The following SGCD variants were observed in gnomAD, a reference collection of about 807,000 sequenced individuals.
SGCD encodes the protein delta-sarcoglycan.
In SGCD, 18 loss-of-function variants were observed where a neutral mutation model predicts 36.6. The observed-to-expected ratio is 0.49, with a 90% CI of 0.34 to 0.73. SGCD has a LOEUF of 0.73. Ranked by LOEUF, SGCD falls within the 30% of genes least tolerant of loss-of-function variation. The pLI, the probability that SGCD is intolerant of heterozygous loss-of-function variation, is 0.01. For synonymous variants in SGCD, 133 were observed against 130.6 expected, an observed-to-expected ratio of 1.02 and a Z score of -0.12; for missense variants, 387 against 346.7, an observed-to-expected ratio of 1.12 and a Z score of -0.92.
chr5:156,543,629 G>T (rs1758442201), intron 4 of SGCD, among the ~76,000 whole-genome samples: 1 of 152,148 alleles, frequency 6.6e-6, no homozygotes, highest in South Asian at 2.1e-4. Flanking sequence ...TTGCTGTGAG[G>T]ATTTCATGGG....
chr5:156,761,706 G>T lies in SGCD; in HGVS notation c.*2316G>T, dbSNP rs886060296. On this transcript the variant is annotated 3_prime_UTR_variant, in exon 9 of 9. Transcript: ENST00000337851. ...ATGACAAAAAAGCAAAAAGTTCCCA[G>T]AACGTTTTTGCTTAGATTTTGTTCT... The T allele has an allele frequency of 6.6e-6, 1 of 152,140 alleles. No individual in the cohort carries two copies. The highest frequency in any genetic ancestry group is 1.9e-4 in the East Asian group (1 of 5,192). The allele number at this position is 152,140 out of a possible 1,614,324, so 9.4% of individuals were successfully genotyped here.
chr5:156,263,900 A>C (rs1022574044), intron 3 of SGCD, among the ~76,000 whole-genome samples: 4 of 151,966 alleles, frequency 2.6e-5, no homozygotes, highest in Admixed American at 2.6e-4. Context: ...TCAGTTGGCT[A>C]TAAGTATTTG....
intron 4 of SGCD, among the ~76,000 whole-genome samples, chr5:156,535,097 C>T (rs1024168535): frequency 2.6e-5 from 4 of 152,178 alleles, no homozygotes; most frequent in African/African-American, 9.7e-5. Context: ...AGCCAAAAGC[C>T]ATTTCCCAAG....
At chr5:156,340,394 T>C (rs1163115699) in intron 2 of SGCD, among the ~76,000 whole-genome samples, 2 of 152,216 alleles carry the variant, frequency 1.3e-5, no homozygotes, top group Admixed American at 6.5e-5. Context: ...CATGTCACCA[T>C]GCTTGGTGAA....
chr5:156,712,755 C>T (rs1461060697), intron 7 of SGCD, among the ~76,000 whole-genome samples: 3 of 152,168 alleles, frequency 2.0e-5, no homozygotes, highest in Non-Finnish European at 4.4e-5. Flanking sequence ...ACTTGTGTGC[C>T]ATTCCACAGG....
chr5:156,617,648 G>A (rs1263158591), intron 6 of SGCD, among the ~76,000 whole-genome samples: 3 of 152,196 alleles, frequency 2.0e-5, no homozygotes, highest in Non-Finnish European at 4.4e-5. Flanking sequence ...AGGGATCAGA[G>A]AGTCTATTCA....
At chr5:156,276,503 C>T (rs1249560820) in intron 3 of SGCD, among the ~76,000 whole-genome samples, 1 of 152,158 alleles carries the variant, frequency 6.6e-6, no homozygotes, top group African/African-American at 2.4e-5. Context: ...AATAAGGAAA[C>T]ATTTAAAAAC....
intron 4 of SGCD, among the ~76,000 whole-genome samples, chr5:156,515,094 G>C (rs1035436203): frequency 6.6e-6 from 1 of 151,918 alleles, no homozygotes; most frequent in Non-Finnish European, 1.5e-5. Context: ...AAGAAAACCC[G>C]TTTTATATTC....
intron 1 of SGCD, among the ~76,000 whole-genome samples, chr5:155,905,998 C>T (rs1580983135): frequency 1.3e-5 from 2 of 152,106 alleles, no homozygotes; most frequent in East Asian, 3.9e-4. Context: ...AGCTTTTCAG[C>T]AACCTTGCAT....
the SGCD span, among the ~76,000 whole-genome samples, chr5:155,776,645 C>T: frequency 4.0e-5 from 6 of 151,040 alleles, no homozygotes; most frequent in Non-Finnish European, 8.9e-5. Flanking sequence ...CCCCCACCCC[C>T]GCCCCACCTC....
chr5:156,201,227 T>A (rs1764142409), intron 3 of SGCD, among the ~76,000 whole-genome samples: 1 of 152,194 alleles, frequency 6.6e-6, no homozygotes, highest in Non-Finnish European at 1.5e-5. Context: ...AATTTAATGC[T>A]ATGTAGGTTT....
At chr5:156,190,040 G>T (rs1168739449) in intron 3 of SGCD, among the ~76,000 whole-genome samples, 1 of 152,136 alleles carries the variant, frequency 6.6e-6, no homozygotes, top group Admixed American at 6.6e-5. Context: ...TAATGTTTCT[G>T]AAAGACCTAC....
At chr5:155,939,935 G>A (rs1757289791) in intron 1 of SGCD, among the ~76,000 whole-genome samples, 1 of 151,298 alleles carries the variant, frequency 6.6e-6, no homozygotes, top group South Asian at 2.1e-4. Flanking sequence ...CTGGGTTCAA[G>A]AGATTGTCCC....
intron 1 of SGCD, among the ~76,000 whole-genome samples, chr5:155,963,450 C>T (rs1757832715): frequency 6.6e-6 from 1 of 152,064 alleles, no homozygotes; most frequent in South Asian, 2.1e-4. Flanking sequence ...TCTCAGTCTT[C>T]ATATTTTGTT....
intron 3 of SGCD, chr5:156,393,765 C>T (rs1396737684): frequency 1.1e-5 from 5 of 456,176 alleles, no homozygotes; most frequent in Non-Finnish European, 2.2e-5. Context: ...CATCCATCTG[C>T]TTCTGAGATT....
intron 1 of SGCD, among the ~76,000 whole-genome samples, chr5:156,044,069 C>T (rs1433723401): frequency 6.6e-6 from 1 of 152,078 alleles, no homozygotes; most frequent in Non-Finnish European, 1.5e-5. Context: ...CCCCTAAGCA[C>T]CCTATGCTTT....
intron 4 of SGCD, among the ~76,000 whole-genome samples, chr5:156,568,241 G>A (rs977829432): frequency 3.3e-5 from 5 of 152,176 alleles, no homozygotes; most frequent in East Asian, 1.9e-4. Flanking sequence ...GAAATTAGCC[G>A]GGCATGGTGA....
chr5:155,879,361 A>G (rs969091702), intron 1 of SGCD, among the ~76,000 whole-genome samples: 15 of 152,148 alleles, frequency 9.9e-5, no homozygotes, highest in Non-Finnish European at 1.9e-4. Flanking sequence ...CATGCTTCCC[A>G]TCTGTGTCAC....
At chr5:155,757,261 C>A in the SGCD span, among the ~76,000 whole-genome samples, 6 of 152,092 alleles carry the variant, frequency 3.9e-5, no homozygotes. Flanking sequence ...TAACAATGAG[C>A]CAGTATTTAT....
Sources: allele counts gnomAD v4.1 joint callset (sites outside exome capture counted in the v4.1 genomes callset), GRCh38; gene constraint gnomAD v4.1.1; transcripts MANE v1.5; gene names NCBI Gene and HGNC (gene_info 2026-07-23, HGNC 2026-07-21).